Variants in NANS observed in about 807,000 individuals in gnomAD.
The protein encoded by NANS is N-acetylneuraminate synthase.
A neutral mutation model predicts 33.3 loss-of-function variants in NANS; 29 were observed. The observed-to-expected ratio is 0.87, with a 90% CI of 0.65 to 1.19. NANS has a LOEUF of 1.19. NANS is among the 50% of genes most tolerant of loss of function. The pLI, the probability that NANS is intolerant of heterozygous loss-of-function variation, is 0.00. For missense variants in NANS, 394 were observed against 461.1 expected (o/e 0.85, Z 1.33); for synonymous variants, 163 against 177.2 (o/e 0.92, Z 0.64).
At chr9:98,063,462 G>A (rs1451823990) in intron 2 of NANS, among the ~76,000 whole-genome samples, 3 of 151,944 alleles carry the variant, frequency 2.0e-5, no homozygotes, top group Non-Finnish European at 1.5e-5. Context: ...GGCTGGTCTC[G>A]AACTTTTGAC....
At chr9:98,069,065 G>A (rs1245486305) in intron 2 of NANS, among the ~76,000 whole-genome samples, 2 of 152,234 alleles carry the variant, frequency 1.3e-5, no homozygotes, top group East Asian at 3.9e-4. Context: ...TTTATCATAT[G>A]ACCCACCAGT....
intron 2 of NANS, among the ~76,000 whole-genome samples, chr9:98,065,927 C>A (rs1321831147): frequency 6.6e-6 from 1 of 152,156 alleles, no homozygotes; most frequent in Non-Finnish European, 1.5e-5. Flanking sequence ...GATTCTGAGA[C>A]CTGCCCAGCC....
At chr9:98,071,348 T>C (rs372254975) in intron 2 of NANS, among the ~76,000 whole-genome samples, 297 of 152,368 alleles carry the variant, frequency 1.9e-3, no homozygotes, top group African/African-American at 6.9e-3. Context: ...GCCAAGTGAA[T>C]GGACTCTAGG....
chr9:98,077,334 A>G (rs982451820), intron 3 of NANS, among the ~76,000 whole-genome samples: 2 of 151,548 alleles, frequency 1.3e-5, no homozygotes, highest in African/African-American at 4.9e-5. Context: ...AATTAAGAAT[A>G]TGACAGTTTT....
intron 2 of NANS, 149 bp downstream of exon 2, chr9:98,061,146 G>A: frequency 1.5e-6 from 1 of 689,518 alleles, no homozygotes; most frequent in Non-Finnish European, 2.4e-6. Context: ...CCAAAGCCCA[G>A]TGAGAATCTG....
chr9:98,083,054 A>T lies in NANS; in HGVS notation c.1079A>T (p.Ter360LeuextTer2). The change falls in exon 6 of 6, where the codon TAA becomes TTA. Residue 360 changes from the stop codon to leucine (L), a stop_lost. Coordinates refer to ENST00000210444, the MANE Select transcript of NANS (RefSeq NM_018946.4). Reference protein sequence around the residue: ...VDNHGKKIKS* With the variant: ...VDNHGKKIKSL ...AATCATGGCAAAAAAATCAAGTCTT[A>T]AAAATAAAGTGCCATTCTCTGAATT... 1 of 1,613,836 alleles carries T rather than the reference A, an allele frequency of 6.2e-7. No homozygotes were observed. The highest frequency in any genetic ancestry group is 8.5e-7 in the Non-Finnish European group (1 of 1,179,766).
Position 98,056,759 on chromosome 9 carries a change from G to T in NANS, c.-50G>T, listed in dbSNP as rs367632845. The T allele has an allele frequency of 3.6e-5, 57 of 1,589,208 alleles. No individual in the cohort carries two copies. The African/African-American group carries it at 6.6e-4, about 18-fold the overall frequency. On this transcript the variant is annotated 5_prime_UTR_variant, in exon 1 of 6. Coordinates refer to ENST00000210444, the MANE Select transcript of NANS (RefSeq NM_018946.4). ...AGAACAGAGTAGAGGCGGCGGCGGC[G>T]GCGGCCGGACCCAGACTGGTAGTGA...
rs34624194 is a variant in NANS, at chr9:98,083,037, CA to C, written c.1069del (p.Ile357SerfsTer?). ...IMEELVDNHG[K>X]KIKS ...TGGAAGAATTGGTAGATAATCATGG[CA>C]AAAAAATCAAGTCTTAAAAATAAAG... On this transcript the variant is annotated frameshift_variant, in exon 6 of 6. Transcript: ENST00000210444. LOFTEE classifies it high-confidence loss of function. 6.2e-7 allele frequency: 1 copy of C among 1,613,340 alleles called. No homozygotes were observed. The highest frequency in any genetic ancestry group is 8.5e-7 in the Non-Finnish European group (1 of 1,179,744).
intron 2 of NANS, among the ~76,000 whole-genome samples, chr9:98,064,578 A>C (rs1441392732): frequency 6.6e-6 from 1 of 152,166 alleles, no homozygotes; most frequent in South Asian, 2.1e-4. Context: ...TTTGAAGTAC[A>C]CATTATTGTT....
At chr9:98,073,104 C>T (rs114281824) in intron 2 of NANS, among the ~76,000 whole-genome samples, 102 of 152,104 alleles carry the variant, frequency 6.7e-4, no homozygotes, top group South Asian at 2.5e-3. Flanking sequence ...GGGACATGCT[C>T]TCCTCACACA....
At chr9:98,082,778 TGTAAA>T (rs1023036606) in intron 5 of NANS, 63 bp from the exon 6 acceptor site, 10 of 1,471,948 alleles carry the variant, frequency 6.8e-6, no homozygotes, top group African/African-American at 1.4e-5. Context: ...GGACCTTGAG[TGTAAA>T]GTAAAGTAGT....
chr9:98,076,462 C>G (rs1644277433), intron 2 of NANS: 1 of 163,648 alleles, frequency 6.1e-6, no homozygotes, highest in Non-Finnish European at 1.3e-5. Flanking sequence ...GCAACCTCCG[C>G]CTCCCAGGTT....
At chr9:98,058,759 C>CT (rs1357137814) in intron 1 of NANS, among the ~76,000 whole-genome samples, 1 of 152,176 alleles carries the variant, frequency 6.6e-6, no homozygotes, top group African/African-American at 2.4e-5. Context: ...GACCCTGTCT[C>CT]TAATTCCATT....
At chr9:98,078,014 T>A in intron 3 of NANS, 179 bp from the exon 4 acceptor site, 1 of 820,506 alleles carries the variant, frequency 1.2e-6, no homozygotes, top group Non-Finnish European at 1.9e-6. Context: ...CCACCTTTCC[T>A]GTGGCCGAGG....
chr9:98,073,641 G>C (rs1271028920), intron 2 of NANS, among the ~76,000 whole-genome samples: 1 of 151,154 alleles, frequency 6.6e-6, no homozygotes, highest in Non-Finnish European at 1.5e-5. Flanking sequence ...GGGAGAGGAA[G>C]GGACTTTAGA....
At chr9:98,065,169 G>C (rs182983671) in intron 2 of NANS, among the ~76,000 whole-genome samples, 1 of 152,092 alleles carries the variant, frequency 6.6e-6, no homozygotes, top group African/African-American at 2.4e-5. Context: ...CCTTCTGGGC[G>C]TACTCACAGC....
chr9:98,074,583 C>G (rs1481605069), intron 2 of NANS: 1 of 152,190 alleles, frequency 6.6e-6, no homozygotes, highest in Non-Finnish European at 1.5e-5. Context: ...GCTGGCTCCC[C>G]AGGAGGCGGC....
Position 98,078,270 on chromosome 9 carries a change from A to T in NANS, c.526A>T (p.Asn176Tyr), listed in dbSNP as rs1483500799. 1.2e-6 allele frequency: 2 copies of T among 1,613,932 alleles called. No individual in the cohort carries two copies. Among genetic ancestry groups the T allele is most frequent in the Non-Finnish European group, 1.7e-6 (2 of 1,180,020 alleles). Residue 176 changes from asparagine (N) to tyrosine (Y), a missense_variant, in exon 4 of 6, where the codon AAC (asparagine) becomes TAC (tyrosine). Coordinates refer to ENST00000210444, the MANE Select transcript of NANS (RefSeq NM_018946.4). ...AGTTTATCAGATCGTGAAGCCCCTC[A>T]ACCCCAACTTCTGCTTCTTGCAGTG... is the stretch of plus-strand genomic sequence containing the variant. ...KQVYQIVKPLNPNFCFLQCTS... is the reference protein window; with the variant it reads ...KQVYQIVKPLYPNFCFLQCTS...
intron 2 of NANS, among the ~76,000 whole-genome samples, chr9:98,064,045 T>C (rs566790830): frequency 1.3e-5 from 2 of 152,310 alleles, no homozygotes; most frequent in East Asian, 1.9e-4. Flanking sequence ...TTCTAAAACA[T>C]GTGTGTCGAC....
Sources: gnomAD v4.1 joint callset for allele counts (sites outside exome capture counted in the v4.1 genomes callset) on GRCh38, gnomAD v4.1.1 for gene constraint, MANE v1.5 for transcripts, NCBI Gene and HGNC (gene_info 2026-07-23, HGNC 2026-07-21) for gene names.